NAALADL2: variants seen among roughly 807,000 people sequenced by gnomAD.
NAALADL2 encodes the protein inactive N-acetylated-alpha-linked acidic dipeptidase-like protein 2.
In NAALADL2, 76 loss-of-function variants were observed where a neutral mutation model predicts 87.2. The ratio of observed to expected loss-of-function variants is 0.87; its 90% confidence interval spans 0.72 to 1.05. NAALADL2 has a LOEUF of 1.05. NAALADL2 is among the 50% of genes least tolerant of loss of function. The pLI, the probability that NAALADL2 is intolerant of heterozygous loss-of-function variation, is 0.00. For missense variants in NAALADL2, 1,089 were observed against 945.8 expected (o/e 1.15, Z -1.99); for synonymous variants, 354 against 331.0 (o/e 1.07, Z -0.75).
intron 2 of NAALADL2, among the ~76,000 whole-genome samples, chr3:174,618,391 A>G (rs1720684837): frequency 6.6e-6 from 1 of 151,714 alleles, no homozygotes; most frequent in Non-Finnish European, 1.5e-5. Context: ...AGTCTCTATT[A>G]TCTCTATACA....
At chr3:174,695,577 A>G (rs1369764754) in intron 2 of NAALADL2, among the ~76,000 whole-genome samples, 1 of 152,084 alleles carries the variant, frequency 6.6e-6, no homozygotes, top group African/African-American at 2.4e-5. Context: ...TGTCATACTG[A>G]AACTAAAAGA....
At chr3:175,634,749 T>A (rs537995613) in intron 11 of NAALADL2, among the ~76,000 whole-genome samples, 22 of 152,098 alleles carry the variant, frequency 1.4e-4, no homozygotes, top group Non-Finnish European at 2.9e-4. Context: ...AGAAAACAAG[T>A]TTAAGGATAT....
intron 11 of NAALADL2, among the ~76,000 whole-genome samples, chr3:175,684,347 C>CA (rs1380466847): frequency 6.6e-6 from 1 of 152,004 alleles, no homozygotes; most frequent in African/African-American, 2.4e-5. Context: ...AAATAATACC[C>CA]TTCACAATAC....
At chr3:174,906,140 A>G (rs189072895) in intron 1 of NAALADL2, among the ~76,000 whole-genome samples, 36 of 152,184 alleles carry the variant, frequency 2.4e-4, no homozygotes, top group African/African-American at 8.2e-4. Context: ...ATATTTCTCA[A>G]TGATCTTTAC....
chr3:175,643,156 G>C (rs1356291107), intron 11 of NAALADL2, among the ~76,000 whole-genome samples: 1 of 152,118 alleles, frequency 6.6e-6, no homozygotes, highest in Non-Finnish European at 1.5e-5. Flanking sequence ...ATAATGAAGA[G>C]GGGACTGATC....
chr3:175,460,320 A>G (rs1450063627), intron 6 of NAALADL2: 2 of 397,992 alleles, frequency 5.0e-6, no homozygotes, highest in African/African-American at 2.1e-5. Context: ...ATATAAAACA[A>G]TATGCATCAG....
chr3:175,062,490 G>A (rs142451515), intron 1 of NAALADL2, among the ~76,000 whole-genome samples: 3,095 of 143,088 alleles, frequency 0.022, 95 homozygotes, highest in African/African-American at 0.087. Flanking sequence ...GTGTGTGTGT[G>A]TGTGTGTGTG....
chr3:174,830,447 G>T (rs1002642885), intron 3 of NAALADL2, among the ~76,000 whole-genome samples: 3 of 151,998 alleles, frequency 2.0e-5, no homozygotes, highest in African/African-American at 7.3e-5. Flanking sequence ...ATTTCTGAGG[G>T]CTCTGTTCTT....
intron 2 of NAALADL2, among the ~76,000 whole-genome samples, chr3:175,205,397 A>G (rs1306457141): frequency 6.6e-6 from 1 of 152,170 alleles, no homozygotes; most frequent in Non-Finnish European, 1.5e-5. Context: ...AGCCACATGT[A>G]GGAGAATGAA....
intron 9 of NAALADL2, among the ~76,000 whole-genome samples, chr3:175,539,303 C>G (rs1218022437): frequency 1.3e-5 from 2 of 152,030 alleles, no homozygotes; most frequent in East Asian, 3.9e-4. Flanking sequence ...AGTTGAACAC[C>G]ACCTTGACAA....
intron 1 of NAALADL2, among the ~76,000 whole-genome samples, chr3:174,499,012 A>G (rs2108364499): frequency 6.6e-6 from 1 of 152,240 alleles, no homozygotes; most frequent in African/African-American, 2.4e-5. Flanking sequence ...ACTATTATTA[A>G]AGTATATTAT....
At chr3:174,455,039 AGAGGG>A in intron 1 of NAALADL2, among the ~76,000 whole-genome samples, 1 of 152,062 alleles carries the variant, frequency 6.6e-6, no homozygotes. Context: ...TAGAAATGAC[AGAGGG>A]GATATTACTG....
At chr3:174,934,731 AAACAAC>A (rs201847790) in intron 1 of NAALADL2, among the ~76,000 whole-genome samples, 8 of 152,030 alleles carry the variant, frequency 5.3e-5, no homozygotes, top group African/African-American at 1.7e-4. Flanking sequence ...AATAGTGCTC[AAACAAC>A]AACAACAACA....
chr3:174,929,754 T>A (rs1736604115), intron 1 of NAALADL2, among the ~76,000 whole-genome samples: 1 of 152,178 alleles, frequency 6.6e-6, no homozygotes, highest in African/African-American at 2.4e-5. Flanking sequence ...AATACTTTTA[T>A]ACATGAAAAT....
intron 5 of NAALADL2, among the ~76,000 whole-genome samples, chr3:175,338,917 C>T (rs926435133): frequency 2.0e-5 from 3 of 152,104 alleles, no homozygotes; most frequent in African/African-American, 7.2e-5. Context: ...AGCAATGCTG[C>T]ACAGAAGGGA....
chr3:175,131,551 C>A (rs1420458148), intron 2 of NAALADL2, among the ~76,000 whole-genome samples: 1 of 152,178 alleles, frequency 6.6e-6, no homozygotes, highest in African/African-American at 2.4e-5. Flanking sequence ...TCTTTCTACA[C>A]AGACATGGCA....
chr3:175,553,979 TGAGTACTATGTA>T (rs1714862476), intron 9 of NAALADL2, among the ~76,000 whole-genome samples: 2 of 152,102 alleles, frequency 1.3e-5, no homozygotes, highest in Admixed American at 1.3e-4. Context: ...CAACTGATAA[TGAGTACTATGTA>T]GAAAATTTAA....
chr3:175,098,591 G>A (rs1721567551), intron 2 of NAALADL2, among the ~76,000 whole-genome samples: 1 of 152,158 alleles, frequency 6.6e-6, no homozygotes, highest in Non-Finnish European at 1.5e-5. Flanking sequence ...GCCACTAAGT[G>A]TCCTAGCAGT....
chr3:175,459,538 T>C (rs572065259), intron 6 of NAALADL2, among the ~76,000 whole-genome samples: 8 of 151,106 alleles, frequency 5.3e-5, no homozygotes, highest in Middle Eastern at 3.4e-3. Flanking sequence ...AAAAAAGTAA[T>C]AATAATTTTT....
Sources: gnomAD v4.1 joint callset for allele counts (sites outside exome capture counted in the v4.1 genomes callset) on GRCh38, gnomAD v4.1.1 for gene constraint, MANE v1.5 for transcripts, NCBI Gene and HGNC (gene_info 2026-07-23, HGNC 2026-07-21) for gene names.